The following DPF3 variants were observed in gnomAD, a reference collection of about 807,000 sequenced individuals.
The protein encoded by DPF3 is zinc finger protein DPF3.
A neutral mutation model predicts 56.8 loss-of-function variants in DPF3; 18 were observed. The observed-to-expected ratio is 0.32, with a 90% CI of 0.22 to 0.47. The LOEUF (loss-of-function observed/expected upper bound fraction) is 0.47, where lower values mean the gene tolerates loss of function less well. Ranked by LOEUF, DPF3 falls within the 20% of genes least tolerant of loss-of-function variation. The pLI is 1.00. For missense variants in DPF3, 403 were observed against 488.8 expected, an observed-to-expected ratio of 0.82 and a Z score of 1.65; for synonymous variants, 188 against 180.2, an observed-to-expected ratio of 1.04 and a Z score of -0.35.
intron 5 of DPF3, 42 bp from the exon 6 acceptor site, chr14:72,714,543 A>G (rs1888821197): frequency 2.5e-6 from 4 of 1,609,494 alleles, no homozygotes; most frequent in Middle Eastern, 1.6e-4. Context: ...TACCATGGTC[A>G]TCACTACAGC....
chr14:72,652,315 TTGG>T (rs1174950466), intron 8 of DPF3, among the ~76,000 whole-genome samples: 1 of 151,968 alleles, frequency 6.6e-6, no homozygotes, highest in Non-Finnish European at 1.5e-5. Flanking sequence ...CCATGACTCA[TTGG>T]TGGTGGTGGG....
chr14:72,676,696 C>G (rs142321729), intron 7 of DPF3, among the ~76,000 whole-genome samples: 24 of 152,336 alleles, frequency 1.6e-4, no homozygotes, highest in African/African-American at 3.6e-4. Context: ...TGCACATGCT[C>G]TCTTGCCTGC....
chr14:72,837,012 G>A (rs1884324458), intron 1 of DPF3, among the ~76,000 whole-genome samples: 1 of 152,004 alleles, frequency 6.6e-6, no homozygotes, highest in Non-Finnish European at 1.5e-5. Context: ...TGGAATTACA[G>A]GCGCGCACCA....
chr14:72,646,996 C>T (rs1234141642), intron 8 of DPF3, among the ~76,000 whole-genome samples: 1 of 152,222 alleles, frequency 6.6e-6, no homozygotes, highest in Non-Finnish European at 1.5e-5. Flanking sequence ...CCAGCGTCTC[C>T]TGGGGACTCT....
At chr14:72,718,630 C>T (rs923962636) in intron 5 of DPF3, among the ~76,000 whole-genome samples, 1 of 152,024 alleles carries the variant, frequency 6.6e-6, no homozygotes, top group African/African-American at 2.4e-5. Context: ...GAGAGACAAC[C>T]TTTTTAATTT....
At chr14:72,639,283 G>T (rs1193209556) in intron 8 of DPF3, among the ~76,000 whole-genome samples, 1 of 152,306 alleles carries the variant, frequency 6.6e-6, no homozygotes, top group Middle Eastern at 3.4e-3. Flanking sequence ...GAGGAATGAG[G>T]CATGACTCCT....
At chr14:72,770,577 G>T (rs115624412) in intron 2 of DPF3, among the ~76,000 whole-genome samples, 2 of 152,126 alleles carry the variant, frequency 1.3e-5, no homozygotes, top group East Asian at 3.9e-4. Context: ...ATGAAATCAC[G>T]TGCTTTTGTG....
chr14:72,716,399 A>G, intron 5 of DPF3, among the ~76,000 whole-genome samples: 1 of 152,214 alleles, frequency 6.6e-6, no homozygotes, highest in East Asian at 1.9e-4. Context: ...CAGCACTCTT[A>G]GGGTCTCTTA....
In DPF3 at chr14:72,674,043, C is replaced by T. The variant is rs147259842; in HGVS notation, c.871+197G>A. 770 of 770,746 alleles carry T rather than the reference C, an allele frequency of 1.0e-3. 1 individual carries two copies. The highest frequency in any genetic ancestry group is 1.9e-3 in the Admixed American group (54 of 28,882). The allele number at this position is 770,746 out of a possible 1,614,324, so 47.7% of individuals were successfully genotyped here. A position where few individuals can be genotyped will look rare whatever the true frequency, so the allele number is the denominator to read the frequency against. ...CAAAACTTCTCTTTGCCCTTTCCCC[C>T]GGATCCTAGGGCATAACTTTTGGTT... On this transcript the variant is annotated intron_variant, in intron 8 of 10. Coordinates refer to ENST00000556509, the MANE Select transcript of DPF3 (RefSeq NM_001280542.3).
intron 3 of DPF3, among the ~76,000 whole-genome samples, chr14:72,739,415 G>A (rs891888385): frequency 6.6e-6 from 1 of 152,194 alleles, no homozygotes; most frequent in Admixed American, 6.5e-5. Flanking sequence ...TGGGGCCAAA[G>A]GAGATAATAC....
At chr14:72,707,542 T>C (rs1044877791) in intron 6 of DPF3, among the ~76,000 whole-genome samples, 1 of 152,232 alleles carries the variant, frequency 6.6e-6, no homozygotes, top group East Asian at 1.9e-4. Context: ...ATCTGCATAA[T>C]GGAACACTAT....
At chr14:72,829,453 C>T (rs1883957566) in intron 1 of DPF3, among the ~76,000 whole-genome samples, 1 of 152,088 alleles carries the variant, frequency 6.6e-6, no homozygotes, top group African/African-American at 2.4e-5. Context: ...GGCACGGTCT[C>T]GGCTCACTGC....
At chr14:72,639,250 G>A (rs1567186345) in intron 8 of DPF3, among the ~76,000 whole-genome samples, 1 of 152,188 alleles carries the variant, frequency 6.6e-6, no homozygotes, top group Non-Finnish European at 1.5e-5. Context: ...GCCAGGAACT[G>A]TACAAGGTGC....
At chr14:72,735,262 G>C (rs1459878206) in intron 3 of DPF3, among the ~76,000 whole-genome samples, 1 of 152,192 alleles carries the variant, frequency 6.6e-6, no homozygotes, top group Non-Finnish European at 1.5e-5. Flanking sequence ...TTTGTGCCAT[G>C]GTTTTGGGTT....
chr14:72,639,783 C>G (rs1885488878), intron 8 of DPF3, among the ~76,000 whole-genome samples: 1 of 152,048 alleles, frequency 6.6e-6, no homozygotes, highest in Admixed American at 6.6e-5. Flanking sequence ...ATTCCTGACC[C>G]ACAGAAACTA....
intron 2 of DPF3, among the ~76,000 whole-genome samples, chr14:72,764,210 C>T (rs1891170676): frequency 6.6e-6 from 1 of 152,188 alleles, no homozygotes; most frequent in Non-Finnish European, 1.5e-5. Flanking sequence ...AAAAGAGGCA[C>T]TAGTAGTTGA....
chr14:72,620,138 G>T (rs961282985), intron 9 of DPF3, among the ~76,000 whole-genome samples, 154 bp from the exon 10 acceptor site: 1 of 151,912 alleles, frequency 6.6e-6, no homozygotes, highest in Non-Finnish European at 1.5e-5. Context: ...CCCTGAACAC[G>T]CCTGTGCTTT....
At chr14:72,661,948 T>A in intron 8 of DPF3, 1 of 983,766 alleles carries the variant, frequency 1.0e-6, no homozygotes, top group Non-Finnish European at 1.2e-6. Flanking sequence ...CATCAATAGA[T>A]GGAATTCCTT....
At chr14:72,634,075 C>T (rs1331111636) in intron 8 of DPF3, among the ~76,000 whole-genome samples, 1 of 152,154 alleles carries the variant, frequency 6.6e-6, no homozygotes. Context: ...CTCAAGCCCC[C>T]GACAAAATGC....
Sources: allele counts gnomAD v4.1 joint callset (sites outside exome capture counted in the v4.1 genomes callset), GRCh38; gene constraint gnomAD v4.1.1; transcripts MANE v1.5; gene names NCBI Gene and HGNC (gene_info 2026-07-23, HGNC 2026-07-21).